Variants in SCNN1D observed in about 807,000 individuals in gnomAD.
SCNN1D encodes the protein sodium channel epithelial 1 subunit delta.
A neutral mutation model predicts 87.8 loss-of-function variants in SCNN1D; 104 were observed. The observed-to-expected ratio is 1.18, with a 90% confidence interval of 1.01 to 1.39. The LOEUF (loss-of-function observed/expected upper bound fraction) is 1.39. Ranked by LOEUF, SCNN1D falls within the 40% of genes most tolerant of loss-of-function variation. SCNN1D has a pLI of 0.00. For missense variants in SCNN1D, 1,324 were observed against 1,093.9 expected, an observed-to-expected ratio of 1.21 and a Z score of -2.97; for synonymous variants, 628 against 481.2, an observed-to-expected ratio of 1.31 and a Z score of -3.99.
chr1:1,286,386 G>T, intron 7 of SCNN1D, 108 bp downstream of exon 7: 2 of 917,748 alleles, frequency 2.2e-6, no homozygotes, highest in South Asian at 3.4e-5. Flanking sequence ...AGGGGGCTCT[G>T]TGTGGTCAAT....
rs761568988 is a variant in SCNN1D at position 1,290,320 on chromosome 1, G to T, written c.1712G>T (p.Cys571Phe). 1.3e-6 allele frequency: 2 copies of T among 1,593,262 alleles called. No homozygotes were observed. Among genetic ancestry groups the T allele is most frequent in the Non-Finnish European group, 1.7e-6 (2 of 1,168,328 alleles). The change falls in exon 13 of 18, where the codon TGT becomes TTT. Residue 571 changes from cysteine to phenylalanine, a missense_variant. Physicochemically the swap from Cys to Phe is radical, Grantham distance 205 (BLOSUM62 -2). Coordinates refer to ENST00000379116, the MANE Select transcript of SCNN1D (RefSeq NM_001130413.4). ...FQQLMVETCS[C>F]GYYLHPLPAG... is the part of the protein sequence containing the mutation. ...CAGCTGATGGTGGAGACCTGCTCCT[G>T]TGGCTACTACCTCCACCCTCTGCCG...
chr1:1,281,462 G>T lies in SCNN1D; in HGVS notation c.129G>T (p.Leu43=), dbSNP rs778315388. ...SDHRTPTCRE[L]GSPHPTPCTG... The stretch of plus-strand genomic sequence containing the variant: ...ACAGGACCCCCACATGCCGGGAGCT[G>T]GGTTCGCCCCACCCCACCCCCTGCA... Residue 43 remains leucine (L), a synonymous_variant, in exon 3 of 18, where the codon CTG becomes CTT. Transcript: ENST00000379116. 525 of 1,521,224 alleles carry T rather than the reference G, an allele frequency of 3.5e-4. No individual in the cohort carries two copies. The highest frequency in any genetic ancestry group is 3.7e-4 in the Non-Finnish European group (422 of 1,138,936). 94.2% of individuals were successfully genotyped at this position (1,521,224 alleles called of 1,614,324 possible). A position where few individuals can be genotyped will look rare whatever the true frequency, so the allele number is the denominator to read the frequency against.
intron 3 of SCNN1D, chr1:1,282,036 A>G: frequency 3.3e-6 from 2 of 599,194 alleles, no homozygotes; most frequent in Non-Finnish European, 6.1e-6. Flanking sequence ...AAAGCTGCCC[A>G]GATGTGGTGG....
In SCNN1D at chr1:1,286,815, G is replaced by A. The variant is rs766509295; in HGVS notation, c.959G>A (p.Arg320Lys). 8.7e-6 allele frequency: 14 copies of A among 1,612,578 alleles called. No individual in the cohort carries two copies. The highest frequency in any genetic ancestry group is 1.2e-5 in the Non-Finnish European group (14 of 1,179,942). Residue 320 changes from arginine (R) to lysine (K), a missense_variant, in exon 8 of 18, where the codon AGG (arginine) becomes AAG (lysine). Transcript: ENST00000379116. The part of the protein sequence containing the change: ...RHLELLDEFA[R>K]ENIDSLYNVN... ...CTGGAGCTGCTGGACGAGTTTGCCA[G>A]GGAGAACATTGACTCCCTGTACAAC...
At chr1:1,282,636 C>T (rs1640494288) in intron 4 of SCNN1D, among the ~76,000 whole-genome samples, 1 of 152,048 alleles carries the variant, frequency 6.6e-6, no homozygotes, top group Non-Finnish European at 1.5e-5. Flanking sequence ...GTGGTCTTAG[C>T]ATGTGTGAGG....
rs564720894 is a variant in SCNN1D, at chr1:1,281,571, C to G, written c.238C>G (p.Leu80Val). 1 of 1,535,774 alleles carries G rather than the reference C, an allele frequency of 6.5e-7. No homozygotes were observed. Among genetic ancestry groups the G allele is most frequent in the Non-Finnish European group, 8.7e-7 (1 of 1,146,786 alleles). Residue 80 changes from leucine (L) to valine (V), a missense_variant, in exon 3 of 18, where the codon CTC (leucine) becomes GTC (valine). Coordinates refer to ENST00000379116, the MANE Select transcript of SCNN1D (RefSeq NM_001130413.4). ...TGGACATGTGCTCTGTGGCTACCCC[C>G]TCTGCCTACTCTCTGGCCCGATACA... is the stretch of plus-strand genomic sequence containing the variant. The part of the protein sequence containing the change: ...SAGHVLCGYP[L>V]CLLSGPIQGC...
chr1:1,288,499 GTC>G (rs1387831622), intron 12 of SCNN1D, among the ~76,000 whole-genome samples: 1 of 121,510 alleles, frequency 8.2e-6, no homozygotes, highest in Admixed American at 8.4e-5. Context: ...TCCGTCCCGT[GTC>G]TCTGCCCCGT....
intron 12 of SCNN1D, 104 bp from the exon 13 acceptor site, chr1:1,290,151 TGTCTCTGCTCCGTCCC>T (rs1640745314): frequency 1.9e-6 from 1 of 528,296 alleles, no homozygotes; most frequent in African/African-American, 2.6e-5. Context: ...CTCCGTCCCG[TGTCTCTGCTCCGTCCC>T]GTGTCCCTGC....
In SCNN1D at chr1:1,287,479, C is replaced by G. The variant is rs755617517; in HGVS notation, c.1311-29C>G. The G allele has an allele frequency of 9.9e-6, 15 of 1,513,838 alleles. No individual in the cohort carries two copies. The South Asian group carries it at 1.8e-4, about 19-fold the overall frequency. 93.8% of individuals were successfully genotyped at this position (1,513,838 alleles called of 1,614,324 possible). A position where few individuals can be genotyped will look rare whatever the true frequency, so the allele number is the denominator to read the frequency against. On this transcript the variant is annotated intron_variant, in intron 9 of 17. Coordinates refer to ENST00000379116, the MANE Select transcript of SCNN1D (RefSeq NM_001130413.4). ...GTGACGGGCGCGGGCAGCCGACATT[C>G]AAGGTCTGAGCTTGGCTTCTCATTC...
intron 8 of SCNN1D, 45 bp downstream of exon 8, chr1:1,287,020 G>A (rs759186688): frequency 6.3e-7 from 1 of 1,593,662 alleles, no homozygotes; most frequent in Non-Finnish European, 8.6e-7. Context: ...GCCTTGAGCT[G>A]GGAGCACGGC....
chr1:1,285,986 G>A lies in SCNN1D; in HGVS notation c.619G>A (p.Glu207Lys), dbSNP rs1164023414. 6.4e-7 allele frequency: 1 copy of A among 1,559,728 alleles called. No homozygotes were observed. The change falls in exon 7 of 18, where the codon GAG becomes AAG. Residue 207 changes from glutamate (E) to lysine (K), a missense_variant. Physicochemically the swap from Glu to Lys is moderately conservative, Grantham distance 56 (BLOSUM62 1). Transcript: ENST00000379116. The part of the protein sequence containing the change: ...PPSAPPPPPK[E>K]GHQEGLVELP... ...ATCAGCACCACCACCACCACCCAAGGAGGGGCACCAGGAGGGGCTGGTGGA... is the reference window on the plus strand; with the variant it reads ...ATCAGCACCACCACCACCACCCAAGAAGGGGCACCAGGAGGGGCTGGTGGA...
intron 7 of SCNN1D, 142 bp from the exon 8 acceptor site, chr1:1,286,626 C>T (rs963321137): frequency 6.2e-6 from 5 of 809,050 alleles, no homozygotes; most frequent in African/African-American, 3.5e-5. Flanking sequence ...CCACGGCCTC[C>T]AACTCCAGCT....
rs140760306 is a variant in SCNN1D at position 1,286,838 on chromosome 1, A to T, written c.982A>T (p.Asn328Tyr). ...CAGGGAGAACATTGACTCCCTGTAC[A>T]ACGTCAACCTCAGCAAAGGCAGAGC... ...FARENIDSLY[N>Y]VNLSKGRAAL... Residue 328 changes from asparagine (N) to tyrosine (Y), a missense_variant, in exon 8 of 18, where the codon AAC (asparagine) becomes TAC (tyrosine). Physicochemically the swap from Asn to Tyr is moderately radical, Grantham distance 143. Coordinates refer to ENST00000379116, the MANE Select transcript of SCNN1D (RefSeq NM_001130413.4). The T allele has an allele frequency of 6.2e-7, 1 of 1,612,462 alleles. No individual in the cohort carries two copies. The highest frequency in any genetic ancestry group is 1.3e-5 in the African/African-American group (1 of 74,880).
At chr1:1,285,529 C>G (rs184200715) in intron 5 of SCNN1D, 42 bp from the exon 6 acceptor site, 9 of 1,327,848 alleles carry the variant, frequency 6.8e-6, no homozygotes, top group Non-Finnish European at 9.1e-6. Flanking sequence ...CCAGACCCCA[C>G]GCGGGGCGCA....
intron 4 of SCNN1D, among the ~76,000 whole-genome samples, chr1:1,283,360 C>A (rs1219822566): frequency 6.6e-6 from 1 of 152,076 alleles, no homozygotes; most frequent in Non-Finnish European, 1.5e-5. Flanking sequence ...GTGCTGGGAG[C>A]CCACCACGGC....
At chr1:1,288,599 GCTCCGTC>G in intron 12 of SCNN1D, among the ~76,000 whole-genome samples, 1 of 40,344 alleles carries the variant, frequency 2.5e-5, no homozygotes, top group Non-Finnish European at 4.7e-5. Context: ...CCGTGTCTCT[GCTCCGTC>G]CCCCGTGTCT....
chr1:1,290,447 C>T (rs752530453), intron 13 of SCNN1D, 30 bp from the exon 14 acceptor site: 3 of 1,611,736 alleles, frequency 1.9e-6, no homozygotes, highest in Admixed American at 1.7e-5. Context: ...TCACAGCGAG[C>T]CTCACACATG....
chr1:1,291,430 A>C lies in SCNN1D; in HGVS notation c.2229A>C (p.Ser743=). 1 of 1,606,858 alleles carries C rather than the reference A, an allele frequency of 6.2e-7. No individual in the cohort carries two copies. Among genetic ancestry groups the C allele is most frequent in the Non-Finnish European group, 8.5e-7 (1 of 1,177,186 alleles). The stretch of plus-strand genomic sequence containing the variant: ...CCTGGCCCAGAGCCAGCCCTGCCTC[A>C]GGGGCGTCCAGCATCAAGCCAGAGG... ...WFSWPRASPA[S]GASSIKPEAS... Residue 743 remains serine (S), a synonymous_variant, in exon 18 of 18, where the codon TCA becomes TCC. Transcript: ENST00000379116.
intron 4 of SCNN1D, 120 bp downstream of exon 4, chr1:1,282,435 C>A: frequency 8.5e-7 from 1 of 1,174,758 alleles, no homozygotes; most frequent in Non-Finnish European, 1.2e-6. Context: ...GAACACAGAG[C>A]CTACCCTTCC....
Sources: allele counts gnomAD v4.1 joint callset (sites outside exome capture counted in the v4.1 genomes callset), GRCh38; gene constraint gnomAD v4.1.1; transcripts MANE v1.5; gene names NCBI Gene and HGNC (gene_info 2026-07-23, HGNC 2026-07-21).